AUTS2: variants seen among roughly 807,000 people sequenced by gnomAD.
The protein encoded by AUTS2 is autism susceptibility gene 2 protein.
AUTS2 carries 17 observed loss-of-function variants against 112.4 expected under a neutral mutation model. That is an observed-to-expected ratio of 0.15 (90% CI 0.10 to 0.23). The LOEUF is 0.23. Ranked by LOEUF, AUTS2 falls within the 10% of genes least tolerant of loss-of-function variation. The probability of loss-of-function intolerance (pLI) is 1.00; values close to 1 mark genes in which losing one functional copy is unlikely to be tolerated. For missense variants in AUTS2, 1,510 were observed against 1,701.6 expected (o/e 0.89, Z 1.98); for synonymous variants, 751 against 702.7 (o/e 1.07, Z -1.09).
chr7:70,382,997 A>G (rs1436391988), intron 4 of AUTS2, among the ~76,000 whole-genome samples: 2 of 152,172 alleles, frequency 1.3e-5, no homozygotes, highest in African/African-American at 2.4e-5. Context: ...TGAAGTCTAT[A>G]TATTTTTCCA....
At chr7:70,260,129 G>T (rs899921750) in intron 4 of AUTS2, among the ~76,000 whole-genome samples, 2 of 152,058 alleles carry the variant, frequency 1.3e-5, no homozygotes, top group Admixed American at 1.3e-4. Flanking sequence ...ACTTTGGGAG[G>T]CTGCAGCAGG....
intron 5 of AUTS2, among the ~76,000 whole-genome samples, chr7:70,503,943 C>T (rs554069226): frequency 1.5e-4 from 23 of 151,788 alleles, no homozygotes; most frequent in African/African-American, 5.3e-4. Context: ...GCCATCTCCC[C>T]TCCGCTCAAG....
intron 4 of AUTS2, among the ~76,000 whole-genome samples, chr7:70,152,786 T>G (rs1358111175): frequency 6.6e-6 from 1 of 151,990 alleles, no homozygotes; most frequent in African/African-American, 2.4e-5. Flanking sequence ...TAAAAGCAAA[T>G]TAAAACCATA....
At chr7:69,969,378 A>G (rs1474471439) in intron 2 of AUTS2, among the ~76,000 whole-genome samples, 1 of 152,208 alleles carries the variant, frequency 6.6e-6, no homozygotes, top group Non-Finnish European at 1.5e-5. Context: ...CACAAGTGTA[A>G]TGTAAAGCTA....
intron 1 of AUTS2, among the ~76,000 whole-genome samples, chr7:69,809,765 A>G (rs1428321509): frequency 6.6e-6 from 1 of 152,224 alleles, no homozygotes; most frequent in East Asian, 1.9e-4. Context: ...AATAGGTACA[A>G]CAGATTGTTC....
intron 5 of AUTS2, among the ~76,000 whole-genome samples, chr7:70,610,501 T>A (rs1011671697): frequency 7.1e-6 from 1 of 140,124 alleles, no homozygotes; most frequent in African/African-American, 2.7e-5. Flanking sequence ...AGTGGTGTGG[T>A]CATGGCTCAC....
chr7:70,245,929 G>T (rs942939754), intron 4 of AUTS2, among the ~76,000 whole-genome samples: 3 of 152,022 alleles, frequency 2.0e-5, no homozygotes, highest in African/African-American at 7.2e-5. Flanking sequence ...ATAATCTTGT[G>T]CACATGTGTA....
intron 2 of AUTS2, among the ~76,000 whole-genome samples, chr7:70,079,520 A>C (rs548178050): frequency 6.6e-6 from 1 of 152,116 alleles, no homozygotes. Context: ...AAAAAAAGTT[A>C]TGTAAACTTA....
intron 4 of AUTS2, among the ~76,000 whole-genome samples, chr7:70,407,625 AAG>A (rs1380073067): frequency 3.9e-5 from 6 of 152,130 alleles, no homozygotes; most frequent in Non-Finnish European, 5.9e-5. Context: ...TTAAAGTAAA[AAG>A]AATATAGTGA....
intron 2 of AUTS2, among the ~76,000 whole-genome samples, chr7:69,942,437 T>C (rs752838372): frequency 6.6e-6 from 1 of 152,224 alleles, no homozygotes; most frequent in African/African-American, 2.4e-5. Context: ...TCAGAGAAGT[T>C]TTTGGGCTAT....
intron 5 of AUTS2, among the ~76,000 whole-genome samples, chr7:70,574,610 A>G (rs911168463): frequency 2.0e-4 from 30 of 152,188 alleles, no homozygotes; most frequent in African/African-American, 7.0e-4. Flanking sequence ...GAGTGCATGC[A>G]TGCTGGGTTT....
At chr7:70,632,312 G>T (rs897053973) in intron 5 of AUTS2, among the ~76,000 whole-genome samples, 20 of 152,284 alleles carry the variant, frequency 1.3e-4, no homozygotes, top group African/African-American at 4.8e-4. Flanking sequence ...GCAGCCGGGG[G>T]ATTCGGTTTC....
At chr7:69,913,293 G>T (rs976754850) in intron 2 of AUTS2, among the ~76,000 whole-genome samples, 1 of 152,088 alleles carries the variant, frequency 6.6e-6, no homozygotes, top group African/African-American at 2.4e-5. Flanking sequence ...TTATAACAAG[G>T]GTCACCCCAG....
At chr7:70,108,620 GT>G (rs1804896828) in intron 2 of AUTS2, among the ~76,000 whole-genome samples, 1 of 151,556 alleles carries the variant, frequency 6.6e-6, no homozygotes, top group African/African-American at 2.4e-5. Flanking sequence ...GTTTTACTGT[GT>G]ATCTGTAAAG....
At chr7:69,604,879 T>C (rs1002308906) in intron 1 of AUTS2, among the ~76,000 whole-genome samples, 1 of 152,222 alleles carries the variant, frequency 6.6e-6, no homozygotes, top group Non-Finnish European at 1.5e-5. Flanking sequence ...GAGTAAAGCT[T>C]CTCAAGCTGG....
At chr7:70,415,461 A>G (rs1794950111) in intron 4 of AUTS2, among the ~76,000 whole-genome samples, 2 of 152,178 alleles carry the variant, frequency 1.3e-5, no homozygotes, top group Admixed American at 1.3e-4. Context: ...TAAGATTTTC[A>G]TTTTTTCATG....
At chr7:70,031,458 A>T (rs1288632513) in intron 2 of AUTS2, among the ~76,000 whole-genome samples, 1 of 152,174 alleles carries the variant, frequency 6.6e-6, no homozygotes, top group African/African-American at 2.4e-5. Context: ...GCATTTATCT[A>T]AAGATAGGCT....
intron 6 of AUTS2, among the ~76,000 whole-genome samples, chr7:70,732,697 T>C (rs561172319): frequency 6.6e-6 from 1 of 152,334 alleles, no homozygotes; most frequent in South Asian, 2.1e-4. Context: ...TAACAATTTG[T>C]CATCTTATAC....
chr7:70,501,639 A>G (rs964232234), intron 5 of AUTS2, among the ~76,000 whole-genome samples: 1 of 151,770 alleles, frequency 6.6e-6, no homozygotes, highest in Admixed American at 6.6e-5. Flanking sequence ...GCCTCCCGGA[A>G]CCCTCATCCA....
Sources: allele counts gnomAD v4.1 joint callset (sites outside exome capture counted in the v4.1 genomes callset), GRCh38; gene constraint gnomAD v4.1.1; transcripts MANE v1.5; gene names NCBI Gene and HGNC (gene_info 2026-07-23, HGNC 2026-07-21).